LRRC63: variants seen among roughly 807,000 people sequenced by gnomAD.
The protein encoded by LRRC63 is leucine rich repeat containing 63, also known as leucine-rich repeat-containing protein 63.
LRRC63 carries 40 observed loss-of-function variants against 49.5 expected under a neutral mutation model. The observed-to-expected ratio is 0.81, with a 90% CI of 0.63 to 1.05. The LOEUF is 1.05. Among genes scored for constraint, LRRC63 ranks in the 50% least tolerant of loss-of-function variants. The pLI, the probability that LRRC63 is intolerant of heterozygous loss-of-function variation, is 0.00. For missense variants in LRRC63, 636 were observed against 663.1 expected (o/e 0.96, Z 0.45); for synonymous variants, 191 against 221.1 (o/e 0.86, Z 1.21).
intron 8 of LRRC63, among the ~76,000 whole-genome samples, chr13:46,262,566 A>G (rs1352442785): frequency 1.3e-5 from 2 of 152,170 alleles, no homozygotes; most frequent in Non-Finnish European, 2.9e-5. Flanking sequence ...CAGAGTTAGA[A>G]TTTTAATTGC....
Position 46,221,816 on chromosome 13 carries a change from C to A in LRRC63, c.86-5696C>A, listed in dbSNP as rs142391188. On this transcript the variant is annotated intron_variant, in intron 2 of 9. Coordinates refer to ENST00000595396, the Ensembl canonical transcript of LRRC63. ...TGGTGTGAATGACTGTGGAGGACTGCAGATTTCCAGAACCCATCTCAGGCC... is the reference window on the plus strand; with the variant it reads ...TGGTGTGAATGACTGTGGAGGACTGAAGATTTCCAGAACCCATCTCAGGCC... Among the ~76,000 whole-genome samples the A allele has an allele frequency of 2.5e-3, 378 of 152,240 alleles. 2 individuals are homozygous for A. The highest frequency in any genetic ancestry group is 8.8e-3 in the African/African-American group (365 of 41,548).
intron 6 of LRRC63, among the ~76,000 whole-genome samples, chr13:46,247,877 GTCT>G (rs1456218983): frequency 5.3e-5 from 8 of 151,990 alleles, no homozygotes; most frequent in Non-Finnish European, 1.0e-4. Flanking sequence ...CATATACTTG[GTCT>G]TCTTCTCTAA....
chr13:46,270,804 T>TA (rs1265132204), intron 9 of LRRC63, among the ~76,000 whole-genome samples: 4 of 152,200 alleles, frequency 2.6e-5, no homozygotes, highest in Non-Finnish European at 5.9e-5. Context: ...TGGTTCCCAT[T>TA]TGTCTTCAGC....
At chr13:46,256,172 T>A (rs2047507038) in intron 7 of LRRC63, among the ~76,000 whole-genome samples, 1 of 152,234 alleles carries the variant, frequency 6.6e-6, no homozygotes, top group African/African-American at 2.4e-5. Flanking sequence ...ACCCATGATA[T>A]ACATGGGAAA....
intron 2 of LRRC63, among the ~76,000 whole-genome samples, chr13:46,214,256 C>T (rs1009518299): frequency 9.2e-5 from 14 of 152,168 alleles, no homozygotes; most frequent in Non-Finnish European, 2.9e-5. Context: ...AAATTATCAT[C>T]TTTTGACCTA....
At chr13:46,235,583 C>T (rs923430954) in intron 5 of LRRC63, among the ~76,000 whole-genome samples, 1 of 152,046 alleles carries the variant, frequency 6.6e-6, no homozygotes, top group East Asian at 1.9e-4. Flanking sequence ...ATTAAGATGT[C>T]CAGTTCCACT....
exon 10 of LRRC63, chr13:46,276,798 T>C: frequency 1.9e-6 from 2 of 1,026,420 alleles, no homozygotes; most frequent in Non-Finnish European, 2.5e-6. Context: ...GTCAAAAGAA[T>C]TATAGTACAA....
chr13:46,231,332 G>A (rs1227189586), intron 4 of LRRC63, among the ~76,000 whole-genome samples: 2 of 152,156 alleles, frequency 1.3e-5, no homozygotes, highest in East Asian at 3.8e-4. Flanking sequence ...AGAGAAAAGA[G>A]GTTTAATTGG....
At chr13:46,250,392 G>T in exon 7 of LRRC63, 1 of 1,524,458 alleles carries the variant, frequency 6.6e-7, no homozygotes, top group Non-Finnish European at 8.9e-7. Context: ...CTGAAATTGA[G>T]AAATAATCCT....
Position 46,268,458 on chromosome 13 carries a change from C to T in LRRC63, c.1550+1486C>T, listed in dbSNP as rs1041857289. Among the ~76,000 whole-genome samples the T allele has an allele frequency of 3.9e-5, 6 of 152,060 alleles. No homozygotes were observed. In the South Asian group the frequency reaches 1.2e-3, roughly 32 times the overall value. On this transcript the variant is annotated intron_variant, in intron 9 of 9. Transcript: ENST00000595396. Reference sequence around the variant, plus strand: ...ATGAATTCGCAGACATCATCGGGAGCTCTATAAAAGCTAAGTAAAATACCT... The same window carrying T: ...ATGAATTCGCAGACATCATCGGGAGTTCTATAAAAGCTAAGTAAAATACCT...
At chr13:46,271,877 A>G (rs993770440) in intron 9 of LRRC63, among the ~76,000 whole-genome samples, 2 of 152,136 alleles carry the variant, frequency 1.3e-5, no homozygotes, top group African/African-American at 2.4e-5. Context: ...TAAAATACAC[A>G]TTTATACAGA....
At chr13:46,212,013 G>A (rs1465502992) in exon 1 of LRRC63, 1 of 152,408 alleles carries the variant, frequency 6.6e-6, no homozygotes, top group Non-Finnish European at 1.5e-5. Flanking sequence ...GTGCTTCTTC[G>A]GGAACAGCCT....
intron 5 of LRRC63, among the ~76,000 whole-genome samples, chr13:46,237,009 T>G (rs1177567846): frequency 6.6e-6 from 1 of 152,134 alleles, no homozygotes; most frequent in Non-Finnish European, 1.5e-5. Flanking sequence ...GGATGCCAAG[T>G]GCAATCCCAT....
intron 9 of LRRC63, among the ~76,000 whole-genome samples, chr13:46,275,111 T>C (rs1161368959): frequency 6.6e-6 from 1 of 152,192 alleles, no homozygotes; most frequent in Non-Finnish European, 1.5e-5. Context: ...CTTAACATAG[T>C]GTCCTCTAGG....
In LRRC63 at chr13:46,245,498, G is replaced by A. The variant is rs115129762; in HGVS notation, c.991-1029G>A. 2.2e-3 allele frequency among the ~76,000 whole-genome samples: 342 copies of A among 152,194 alleles called. 3 individuals carry two copies. Among genetic ancestry groups the A allele is most frequent in the African/African-American group, 7.8e-3 (325 of 41,536 alleles). The stretch of plus-strand genomic sequence containing the variant: ...GGAAATTTTAAAAGATTGAAATATT[G>A]TAGTTCTCGTACCACAACAGAAATA... On this transcript the variant is annotated intron_variant, in intron 5 of 9. Transcript: ENST00000595396.
At chr13:46,265,861 T>C (rs1441758398) in intron 8 of LRRC63, among the ~76,000 whole-genome samples, 1 of 152,188 alleles carries the variant, frequency 6.6e-6, no homozygotes, top group Non-Finnish European at 1.5e-5. Flanking sequence ...GGTTGAGGGA[T>C]AAAGAGAGCT....
At chr13:46,254,225 AGC>A (rs2047453718) in intron 7 of LRRC63, among the ~76,000 whole-genome samples, 1 of 152,152 alleles carries the variant, frequency 6.6e-6, no homozygotes, top group South Asian at 2.1e-4. Context: ...TTCTTTGTAG[AGC>A]TTTAGATGCA....
chr13:46,260,998 G>T (rs375227881), intron 7 of LRRC63, among the ~76,000 whole-genome samples: 1 of 152,086 alleles, frequency 6.6e-6, no homozygotes, highest in Non-Finnish European at 1.5e-5. Context: ...TACAGAGAAG[G>T]GGGTGTTTAC....
At position 46,227,601 on chromosome 13, in the gene LRRC63, GTT is replaced by G. The variant is rs1438624148; in HGVS notation, c.178_179del (p.Leu60LysfsTer16). 1.9e-6 allele frequency: 3 copies of G among 1,549,832 alleles called. No homozygotes were observed. The highest frequency in any genetic ancestry group is 3.9e-5 in the Admixed American group (2 of 50,964). On this transcript the variant is annotated frameshift_variant, in exon 3 of 10. Coordinates refer to ENST00000595396, the Ensembl canonical transcript of LRRC63. LOFTEE classifies it high-confidence loss of function. ...AATGGATAGAACTCGTTTTCCTGAT[GTT>G]TTAAGAAATCAATCACTAACACCTA...
Sources: gnomAD v4.1 joint callset for allele counts (sites outside exome capture counted in the v4.1 genomes callset) on GRCh38, gnomAD v4.1.1 for gene constraint, MANE v1.5 for transcripts, NCBI Gene and HGNC (gene_info 2026-07-23, HGNC 2026-07-21) for gene names.